ULK4: variants seen among roughly 807,000 people sequenced by gnomAD.
ULK4 encodes the protein inactive serine/threonine-protein kinase ULK4.
A neutral mutation model predicts 160.6 loss-of-function variants in ULK4; 133 were observed. That is an observed-to-expected ratio of 0.83 (90% CI 0.72 to 0.96). The LOEUF (loss-of-function observed/expected upper bound fraction) is 0.96. Ranked by LOEUF, ULK4 falls within the 40% of genes least tolerant of loss-of-function variation. The pLI is 0.00. For synonymous variants in ULK4, 534 were observed against 539.8 expected, an observed-to-expected ratio of 0.99 and a Z score of 0.15; for missense variants, 1,580 against 1,499.5, an observed-to-expected ratio of 1.05 and a Z score of -0.89.
chr3:41,899,346 G>A (rs1384978611), intron 13 of ULK4: 3 of 152,174 alleles, frequency 2.0e-5, no homozygotes, highest in Non-Finnish European at 4.4e-5. Flanking sequence ...AAGGTATACA[G>A]GAACTCTCAA....
chr3:41,655,493 G>A (rs891582405), intron 30 of ULK4, among the ~76,000 whole-genome samples: 10 of 151,904 alleles, frequency 6.6e-5, no homozygotes, highest in South Asian at 2.1e-4. Flanking sequence ...AAATCTGTAC[G>A]TTGTGCACAT....
At chr3:41,775,377 A>AAT (rs1043476067) in intron 21 of ULK4, among the ~76,000 whole-genome samples, 14 of 149,518 alleles carry the variant, frequency 9.4e-5, no homozygotes, top group Non-Finnish European at 1.9e-4. Context: ...ATAAGAAAAT[A>AAT]ATATATATAT....
chr3:41,341,721 G>C (rs1336789955), intron 35 of ULK4, among the ~76,000 whole-genome samples: 1 of 152,138 alleles, frequency 6.6e-6, no homozygotes, highest in African/African-American at 2.4e-5. Context: ...AGCCACATTT[G>C]GTCCTACAGG....
intron 32 of ULK4, among the ~76,000 whole-genome samples, chr3:41,484,319 G>A (rs984958877): frequency 6.6e-6 from 1 of 151,830 alleles, no homozygotes; most frequent in South Asian, 2.1e-4. Flanking sequence ...TTTATAAATC[G>A]GCTCATTTTT....
At chr3:41,397,900 TA>T (rs1208004583) in intron 35 of ULK4, among the ~76,000 whole-genome samples, 178 bp downstream of exon 35, 30 of 152,174 alleles carry the variant, frequency 2.0e-4, no homozygotes, top group Admixed American at 2.0e-3. Flanking sequence ...TATATGCAGA[TA>T]AACAGTATAT....
At chr3:41,844,675 A>G (rs1559601873) in intron 17 of ULK4, among the ~76,000 whole-genome samples, 1 of 151,938 alleles carries the variant, frequency 6.6e-6, no homozygotes, top group Non-Finnish European at 1.5e-5. Flanking sequence ...CAGGCAGAGG[A>G]GGCGCCAAGA....
intron 17 of ULK4, among the ~76,000 whole-genome samples, chr3:41,861,206 T>C (rs1014906186): frequency 1.3e-5 from 2 of 152,226 alleles, no homozygotes; most frequent in South Asian, 2.1e-4. Context: ...TGTTACAATA[T>C]TCTCTGTTTT....
At position 41,463,186 on chromosome 3, in the gene ULK4, T is replaced by G; in HGVS notation, c.3294A>C (p.Lys1098Asn). Residue 1098 changes from lysine (K) to asparagine (N), a missense_variant, in exon 33 of 37, where the codon AAA becomes AAC. Transcript: ENST00000301831. ...GTGGAGCTGCCATCTCATTGTTGTT[T>G]TTATTGTCCACATCCAAGCACAGTG... ...TATLCLDVDN[K>N]NNNEMAAPLL... 6.2e-7 allele frequency: 1 copy of G among 1,613,718 alleles called. No homozygotes were observed. The highest frequency in any genetic ancestry group is 8.5e-7 in the Non-Finnish European group (1 of 1,179,756).
intron 18 of ULK4, among the ~76,000 whole-genome samples, chr3:41,823,285 G>T (rs2041211266): frequency 6.6e-6 from 1 of 152,146 alleles, no homozygotes; most frequent in Non-Finnish European, 1.5e-5. Context: ...TGGGTTTAAG[G>T]AACTGTGGGG....
chr3:41,886,238 A>G (rs1051480455), intron 16 of ULK4, among the ~76,000 whole-genome samples: 2 of 152,214 alleles, frequency 1.3e-5, no homozygotes, highest in Middle Eastern at 3.2e-3. Context: ...TGGCTACCAC[A>G]TTAGAGCAAA....
At chr3:41,840,830 C>T (rs998827297) in intron 17 of ULK4, among the ~76,000 whole-genome samples, 1 of 152,068 alleles carries the variant, frequency 6.6e-6, no homozygotes, top group African/African-American at 2.4e-5. Flanking sequence ...TCTGCCTAGC[C>T]ACCCATTGTC....
intron 34 of ULK4, 126 bp downstream of exon 34, chr3:41,455,371 G>A (rs2083521934): frequency 1.2e-6 from 1 of 827,518 alleles, no homozygotes; most frequent in African/African-American, 1.7e-5. Context: ...ATAATCTTCT[G>A]AAAGTTCTTT....
intron 22 of ULK4, among the ~76,000 whole-genome samples, chr3:41,746,503 A>AC (rs1163493859): frequency 1.3e-5 from 2 of 151,422 alleles, no homozygotes; most frequent in Non-Finnish European, 2.9e-5. Flanking sequence ...AAAAAAAAAA[A>AC]CTAAATAAAT....
At chr3:41,904,040 G>A (rs546687801) in intron 12 of ULK4, among the ~76,000 whole-genome samples, 10 of 145,868 alleles carry the variant, frequency 6.9e-5, no homozygotes, top group South Asian at 2.2e-4. Flanking sequence ...GAATTATATC[G>A]TAAATAATTT....
chr3:41,929,502 C>A (rs1699509360), intron 5 of ULK4, among the ~76,000 whole-genome samples: 1 of 152,088 alleles, frequency 6.6e-6, no homozygotes, highest in Non-Finnish European at 1.5e-5. Flanking sequence ...GGCAATCAGG[C>A]AAGAGAAAGA....
intron 21 of ULK4, among the ~76,000 whole-genome samples, chr3:41,775,217 A>T (rs1214161682): frequency 6.6e-6 from 1 of 150,602 alleles, no homozygotes; most frequent in East Asian, 1.9e-4. Flanking sequence ...AAGTATAATA[A>T]TAATAAAAGT....
intron 19 of ULK4, among the ~76,000 whole-genome samples, chr3:41,806,847 G>T (rs1284454293): frequency 1.3e-5 from 2 of 151,954 alleles, no homozygotes; most frequent in South Asian, 2.1e-4. Context: ...AGTATCTCAG[G>T]CCAGGAAAAA....
At chr3:41,498,778 G>C (rs774481505) in intron 32 of ULK4, among the ~76,000 whole-genome samples, 7 of 151,908 alleles carry the variant, frequency 4.6e-5, no homozygotes, top group Non-Finnish European at 1.0e-4. Context: ...TATATTTTTA[G>C]TAGAGACAGG....
At chr3:41,923,000 C>T (rs995293749) in intron 5 of ULK4, among the ~76,000 whole-genome samples, 3 of 151,404 alleles carry the variant, frequency 2.0e-5, no homozygotes, top group Non-Finnish European at 2.9e-5. Context: ...AGTGAAACCC[C>T]GTCTCTATTA....
Sources: gnomAD v4.1 joint callset for allele counts (sites outside exome capture counted in the v4.1 genomes callset) on GRCh38, gnomAD v4.1.1 for gene constraint, MANE v1.5 for transcripts, NCBI Gene and HGNC (gene_info 2026-07-23, HGNC 2026-07-21) for gene names.